LMO7: variants seen among roughly 807,000 people sequenced by gnomAD.
LMO7 encodes LIM domain only protein 7.
LMO7 carries 120 observed loss-of-function variants against 206.5 expected under a neutral mutation model. The ratio of observed to expected loss-of-function variants is 0.58; its 90% confidence interval spans 0.50 to 0.68. The LOEUF (loss-of-function observed/expected upper bound fraction) is 0.68. LMO7 is among the 30% of genes least tolerant of loss of function. LMO7 has a pLI of 0.00. For synonymous variants in LMO7, 706 were observed against 681.5 expected (o/e 1.04, Z -0.56); for missense variants, 1,959 against 1,957.9 (o/e 1.00, Z -0.01).
At position 75,621,777 on chromosome 13, in the gene LMO7, A is replaced by G. The variant is rs771175644; in HGVS notation, c.84A>G (p.Gly28=). ...TTCTCTTCCAGAGAACAGAGCTCGGAGCTCTGGAAATTTGGAGGCAACTGA... is the reference window on the plus strand; with the variant it reads ...TTCTCTTCCAGAGAACAGAGCTCGGGGCTCTGGAAATTTGGAGGCAACTGA... The change falls in exon 1 of 30, where the codon GGA becomes GGG. Residue 28 remains glycine, a synonymous_variant. Coordinates refer to the LMO7 transcript ENST00000341547. The G allele has an allele frequency of 3.7e-6, 6 of 1,613,464 alleles. No individual in the cohort carries two copies. The South Asian group carries it at 5.5e-5, about 15-fold the overall frequency.
chr13:75,746,148 G>T (rs1229889357), intron 3 of LMO7, among the ~76,000 whole-genome samples: 1 of 152,106 alleles, frequency 6.6e-6, no homozygotes, highest in Non-Finnish European at 1.5e-5. Flanking sequence ...GAATTGAGGG[G>T]CTTTTGCACC....
chr13:75,672,154 A>G (rs1319718459), intron 1 of LMO7, among the ~76,000 whole-genome samples: 2 of 150,508 alleles, frequency 1.3e-5, no homozygotes, highest in African/African-American at 4.9e-5. Flanking sequence ...CTGTATGCAC[A>G]CTCTTGTGTC....
chr13:75,760,949 C>T lies in LMO7; in HGVS notation c.228C>T (p.Phe76=). ...TTTCACAGGATAATATAAACGTTTTCTTGAAAGCTTGTGAACAGATTGGAT... is the reference window on the plus strand; with the variant it reads ...TTTCACAGGATAATATAAACGTTTTTTTGAAAGCTTGTGAACAGATTGGAT... The part of the protein sequence containing the change: ...PIAGLDNINV[F]LKACEQIGLK... Residue 76 remains phenylalanine (F), a synonymous_variant, in exon 4 of 31, where the codon TTC becomes TTT. Transcript: ENST00000377534. The T allele has an allele frequency of 6.2e-7, 1 of 1,613,458 alleles. No homozygotes were observed.
intron 8 of LMO7, chr13:75,804,803 T>A: frequency 8.7e-7 from 1 of 1,144,536 alleles, no homozygotes; most frequent in Admixed American, 4.2e-5. Flanking sequence ...GCTTACCAGA[T>A]AATTTGTATT....
At chr13:75,737,740 G>A (rs1333790672) in intron 3 of LMO7, among the ~76,000 whole-genome samples, 41 of 88,264 alleles carry the variant, frequency 4.6e-4, no homozygotes, top group Non-Finnish European at 6.9e-4. Context: ...GCGACAGAGC[G>A]AGACTCCGTC....
intron 2 of LMO7, among the ~76,000 whole-genome samples, chr13:75,725,696 T>C (rs1355102148): frequency 3.9e-5 from 6 of 152,034 alleles, no homozygotes; most frequent in African/African-American, 1.2e-4. Flanking sequence ...AATCAGAAAT[T>C]AGGTATCATG....
chr13:75,727,104 T>C lies in LMO7; in HGVS notation c.210+6T>C. On this transcript the variant is annotated splice_donor_region_variant and intron_variant, in intron 3 of 30. Coordinates refer to ENST00000377534, the MANE Select transcript of LMO7 (RefSeq NM_001306080.2). Reference sequence around the variant, plus strand: ...CTACACCAATAGCAGGATTGGTAAGTAGTAAATTATCTTCACAACTAAATT... The same window carrying C: ...CTACACCAATAGCAGGATTGGTAAGCAGTAAATTATCTTCACAACTAAATT... 1 of 1,530,470 alleles carries C rather than the reference T, an allele frequency of 6.5e-7. No individual in the cohort carries two copies. Among genetic ancestry groups the C allele is most frequent in the Non-Finnish European group, 9.0e-7 (1 of 1,107,138 alleles). 94.8% of individuals were successfully genotyped at this position (1,530,470 alleles called of 1,614,324 possible).
chr13:75,782,508 G>T (rs1303005842), intron 4 of LMO7, among the ~76,000 whole-genome samples: 2 of 152,178 alleles, frequency 1.3e-5, no homozygotes, highest in Non-Finnish European at 2.9e-5. Flanking sequence ...AATGTGTAGG[G>T]CAATGCTGTA....
At chr13:75,764,500 A>G (rs2068425360) in intron 4 of LMO7, among the ~76,000 whole-genome samples, 1 of 152,122 alleles carries the variant, frequency 6.6e-6, no homozygotes, top group Non-Finnish European at 1.5e-5. Flanking sequence ...GCATCTGGTC[A>G]TTAGGAGAGG....
chr13:75,850,781 A>C (rs2060431971), intron 27 of LMO7, among the ~76,000 whole-genome samples: 1 of 151,602 alleles, frequency 6.6e-6, no homozygotes, highest in Non-Finnish European at 1.5e-5. Flanking sequence ...TAGGGTTTAC[A>C]GGCCACATAG....
chr13:75,775,410 T>G (rs2050242732), intron 4 of LMO7, among the ~76,000 whole-genome samples: 1 of 152,084 alleles, frequency 6.6e-6, no homozygotes, highest in Non-Finnish European at 1.5e-5. Context: ...AAAGAATTTA[T>G]GACGAAGTCC....
At chr13:75,797,505 G>A (rs1289054978) in intron 6 of LMO7, among the ~76,000 whole-genome samples, 1 of 152,204 alleles carries the variant, frequency 6.6e-6, no homozygotes, top group Admixed American at 6.5e-5. Context: ...GCCCTTTTGT[G>A]TAGTCACAAT....
chr13:75,768,336 T>C (rs1422503862), intron 4 of LMO7, among the ~76,000 whole-genome samples: 1 of 152,096 alleles, frequency 6.6e-6, no homozygotes, highest in East Asian at 1.9e-4. Context: ...AATGTGTTTT[T>C]CTGACATTTA....
At chr13:75,648,982 A>C (rs1412655847) in intron 1 of LMO7, among the ~76,000 whole-genome samples, 1 of 152,184 alleles carries the variant, frequency 6.6e-6, no homozygotes, top group Non-Finnish European at 1.5e-5. Flanking sequence ...CTATTAGAGA[A>C]GGTCCTTCTT....
chr13:75,753,841 G>A (rs1274486947), intron 3 of LMO7, among the ~76,000 whole-genome samples: 1 of 152,086 alleles, frequency 6.6e-6, no homozygotes, highest in Non-Finnish European at 1.5e-5. Flanking sequence ...CTTTATAGCA[G>A]CATGAGAATG....
chr13:75,808,240 G>T, intron 10 of LMO7, 41 bp downstream of exon 10: 2 of 1,538,056 alleles, frequency 1.3e-6, no homozygotes, highest in Non-Finnish European at 1.7e-6. Context: ...TGTAATGGAT[G>T]GTCTTGTGTA....
intron 4 of LMO7, among the ~76,000 whole-genome samples, chr13:75,792,078 C>G (rs2053386323): frequency 6.6e-6 from 1 of 152,090 alleles, no homozygotes; most frequent in Non-Finnish European, 1.5e-5. Context: ...AGAGATCCTT[C>G]TGCCCTCAGC....
intron 3 of LMO7, among the ~76,000 whole-genome samples, chr13:75,758,346 C>A (rs2047858810): frequency 6.6e-6 from 1 of 152,134 alleles, no homozygotes. Context: ...ACCTCTTTGC[C>A]TGCATCCTTT....
At chr13:75,621,799 C>T (rs1182902411) in exon 1 of LMO7, 2 of 1,613,172 alleles carry the variant, frequency 1.2e-6, no homozygotes, top group Non-Finnish European at 1.7e-6. Flanking sequence ...TTGGAGGCAA[C>T]TGATATGTGC....
Sources: gnomAD v4.1 joint callset for allele counts (sites outside exome capture counted in the v4.1 genomes callset) on GRCh38, gnomAD v4.1.1 for gene constraint, MANE v1.5 for transcripts, NCBI Gene and HGNC (gene_info 2026-07-23, HGNC 2026-07-21) for gene names.